Variants in NRXN1 observed in about 807,000 individuals in gnomAD.
NRXN1 encodes the protein neurexin-1.
In NRXN1, 39 loss-of-function variants were observed where a neutral mutation model predicts 150.9. The ratio of observed to expected loss-of-function variants is 0.26; its 90% CI spans 0.20 to 0.34. The LOEUF (loss-of-function observed/expected upper bound fraction) is 0.34. NRXN1 is among the 10% of genes least tolerant of loss of function. NRXN1 has a pLI of 1.00. For synonymous variants in NRXN1, 924 were observed against 757.0 expected, an observed-to-expected ratio of 1.22 and a Z score of -3.62; for missense variants, 1,815 against 1,949.9, an observed-to-expected ratio of 0.93 and a Z score of 1.30.
intron 14 of NRXN1, 107 bp from the exon 15 acceptor site, chr2:50,496,202 C>T: frequency 2.6e-6 from 2 of 761,732 alleles, no homozygotes; most frequent in South Asian, 4.2e-5. Context: ...TCCATCCTTA[C>T]TAGAAGTCAT....
intron 17 of NRXN1, among the ~76,000 whole-genome samples, chr2:50,300,888 G>A (rs2074085804): frequency 6.6e-6 from 1 of 152,034 alleles, no homozygotes; most frequent in African/African-American, 2.4e-5. Context: ...TAGAGAGGGG[G>A]TTTCACCATG....
At chr2:50,794,100 C>A (rs533702578) in intron 5 of NRXN1, among the ~76,000 whole-genome samples, 2 of 152,108 alleles carry the variant, frequency 1.3e-5, no homozygotes, top group South Asian at 4.1e-4. Flanking sequence ...CCCAGAATGC[C>A]AATAGTTCTG....
intron 5 of NRXN1, among the ~76,000 whole-genome samples, chr2:50,670,705 G>C (rs1031490209): frequency 6.6e-6 from 1 of 151,828 alleles, no homozygotes; most frequent in Non-Finnish European, 1.5e-5. Flanking sequence ...CCCTTGGTGG[G>C]AGCACTAAGG....
chr2:50,714,583 T>C (rs1408919113), intron 5 of NRXN1, among the ~76,000 whole-genome samples: 2 of 152,160 alleles, frequency 1.3e-5, no homozygotes, highest in Non-Finnish European at 2.9e-5. Flanking sequence ...TTGGTTCATT[T>C]TATAGCACCA....
chr2:50,818,145 A>G (rs1291079481), intron 5 of NRXN1, among the ~76,000 whole-genome samples: 2 of 151,010 alleles, frequency 1.3e-5, no homozygotes, highest in Non-Finnish European at 3.0e-5. Context: ...GTTGGAACTA[A>G]TAAGCAAAAA....
Position 51,027,971 on chromosome 2 carries a change from C to A in NRXN1, c.303G>T (p.Ala101=), listed in dbSNP as rs2105332088. ...LSFSIFCAEP[A]TLLADTPVND... is the part of the protein sequence containing the mutation. ...TAACCGGCGTGTCGGCCAGGAGCGTCGCAGGCTCAGCGCAGAAGATGGAGA... is the reference window on the plus strand; with the variant it reads ...TAACCGGCGTGTCGGCCAGGAGCGTAGCAGGCTCAGCGCAGAAGATGGAGA... The change falls in exon 2 of 23, where the codon GCG becomes GCT. Residue 101 remains alanine (A), a synonymous_variant. Transcript: ENST00000401669. The A allele has an allele frequency of 1.2e-6, 2 of 1,602,016 alleles. No homozygotes were observed. Among genetic ancestry groups the A allele is most frequent in the Non-Finnish European group, 1.7e-6 (2 of 1,179,408 alleles).
At chr2:50,332,222 A>T (rs2076882332) in intron 17 of NRXN1, among the ~76,000 whole-genome samples, 1 of 152,170 alleles carries the variant, frequency 6.6e-6, no homozygotes, top group African/African-American at 2.4e-5. Flanking sequence ...AGCTAGCTTT[A>T]AAGTAAGTTC....
chr2:50,508,018 G>C (rs2092312056), intron 12 of NRXN1, among the ~76,000 whole-genome samples: 1 of 152,056 alleles, frequency 6.6e-6, no homozygotes, highest in Non-Finnish European at 1.5e-5. Context: ...GAGCAAGAGA[G>C]ATCGAGTAAG....
intron 19 of NRXN1, among the ~76,000 whole-genome samples, chr2:50,063,101 A>G (rs1294941723): frequency 6.6e-6 from 1 of 152,180 alleles, no homozygotes; most frequent in African/African-American, 2.4e-5. Context: ...AAGGCAAAGT[A>G]ATAGTTTTGT....
intron 8 of NRXN1, among the ~76,000 whole-genome samples, chr2:50,574,469 T>C (rs1055045884): frequency 3.3e-5 from 5 of 152,078 alleles, no homozygotes; most frequent in Admixed American, 6.6e-5. Context: ...AAAAAAATCA[T>C]CTCCCAAGGC....
At chr2:49,987,467 T>C (rs1177540240) in intron 21 of NRXN1, among the ~76,000 whole-genome samples, 1 of 152,182 alleles carries the variant, frequency 6.6e-6, no homozygotes, top group African/African-American at 2.4e-5. Flanking sequence ...CTATTGTTGT[T>C]TCCCTATTTG....
intron 9 of NRXN1, among the ~76,000 whole-genome samples, chr2:50,542,475 A>G (rs1156317241): frequency 1.3e-5 from 2 of 152,238 alleles, no homozygotes; most frequent in African/African-American, 2.4e-5. Context: ...TTGGAATATT[A>G]TGCAAACAGA....
At chr2:49,971,665 A>T (rs1464582659) in intron 21 of NRXN1, among the ~76,000 whole-genome samples, 1 of 152,162 alleles carries the variant, frequency 6.6e-6, no homozygotes, top group Non-Finnish European at 1.5e-5. Context: ...CTTTCTAAAA[A>T]TGTTACAGGG....
At chr2:50,982,668 TAC>T (rs1697016798) in intron 2 of NRXN1, among the ~76,000 whole-genome samples, 1 of 152,118 alleles carries the variant, frequency 6.6e-6, no homozygotes, top group South Asian at 2.1e-4. Flanking sequence ...TTTCCTTTTA[TAC>T]TTCACCTTAA....
At chr2:50,587,783 G>T (rs552496393) in intron 8 of NRXN1, among the ~76,000 whole-genome samples, 3 of 152,136 alleles carry the variant, frequency 2.0e-5, no homozygotes, top group Non-Finnish European at 4.4e-5. Context: ...TTATGAAAGT[G>T]ATATACATAT....
chr2:50,134,176 C>T (rs895747139), intron 18 of NRXN1, among the ~76,000 whole-genome samples: 1 of 150,316 alleles, frequency 6.7e-6, no homozygotes, highest in Non-Finnish European at 1.5e-5. Flanking sequence ...TAGACATGCA[C>T]TGTGTGATCT....
chr2:50,607,162 G>A (rs778733955), intron 8 of NRXN1, among the ~76,000 whole-genome samples: 1 of 152,148 alleles, frequency 6.6e-6, no homozygotes, highest in Admixed American at 6.6e-5. Flanking sequence ...AAATGTGAGA[G>A]TCTGGGACAC....
At chr2:50,628,857 G>T (rs1240046445) in intron 5 of NRXN1, among the ~76,000 whole-genome samples, 1 of 150,924 alleles carries the variant, frequency 6.6e-6, no homozygotes, top group Non-Finnish European at 1.5e-5. Context: ...CAAGCCAATG[G>T]GAAAAAAATG....
chr2:50,800,642 C>T lies in NRXN1; in HGVS notation c.832+121227G>A, dbSNP rs201029298. ...TCGGCTCACTGCAACCTCCACCTCCCGGGTTCAGGCAATTCTCCTGCCTCA... is the reference window on the plus strand; with the variant it reads ...TCGGCTCACTGCAACCTCCACCTCCTGGGTTCAGGCAATTCTCCTGCCTCA... On this transcript the variant is annotated intron_variant, in intron 5 of 22. Coordinates refer to ENST00000401669, the MANE Select transcript of NRXN1 (RefSeq NM_001330078.2). Among the ~76,000 whole-genome samples, 19 of 152,192 alleles carry T rather than the reference C, an allele frequency of 1.2e-4. No homozygotes were observed. The East Asian group carries it at 1.9e-3, about 16-fold the overall frequency.
Sources: gnomAD v4.1 joint callset for allele counts (sites outside exome capture counted in the v4.1 genomes callset) on GRCh38, gnomAD v4.1.1 for gene constraint, MANE v1.5 for transcripts, NCBI Gene and HGNC (gene_info 2026-07-23, HGNC 2026-07-21) for gene names.